Variants in ADGRV1 observed in about 807,000 individuals in gnomAD.
ADGRV1 encodes the protein adhesion G protein-coupled receptor V1.
A neutral mutation model predicts 596.2 loss-of-function variants in ADGRV1; 359 were observed. The ratio of observed to expected loss-of-function variants is 0.60; its 90% CI spans 0.55 to 0.66. The LOEUF is 0.66. ADGRV1 is among the 30% of genes least tolerant of loss of function. The pLI is 0.00. For missense variants in ADGRV1, 7,274 were observed against 7,575.6 expected (o/e 0.96, Z 1.48); for synonymous variants, 2,681 against 2,679.2 (o/e 1.00, Z -0.02).
At chr5:90,625,383 A>G (rs1251162272) in intron 6 of ADGRV1, 140 bp downstream of exon 6, 2 of 520,074 alleles carry the variant, frequency 3.8e-6, no homozygotes, top group East Asian at 6.1e-5. Flanking sequence ...ATTACTATTT[A>G]TCTTACTTAA....
At chr5:91,059,379 T>A (rs535963388) in intron 85 of ADGRV1, among the ~76,000 whole-genome samples, 1 of 152,184 alleles carries the variant, frequency 6.6e-6, no homozygotes, top group African/African-American at 2.4e-5. Flanking sequence ...TTACCAGTAT[T>A]TTTTTTGCAA....
chr5:90,953,548 G>T (rs1250841994), intron 83 of ADGRV1, among the ~76,000 whole-genome samples: 13 of 151,724 alleles, frequency 8.6e-5, no homozygotes, highest in Non-Finnish European at 1.6e-4. Context: ...CGAGTTTTTT[G>T]TTTTGTTTTG....
At chr5:90,945,134 CAT>C (rs1776463860) in intron 83 of ADGRV1, among the ~76,000 whole-genome samples, 1 of 152,082 alleles carries the variant, frequency 6.6e-6, no homozygotes, top group African/African-American at 2.4e-5. Context: ...TTCAATTCAA[CAT>C]ATGTTTATAA....
At chr5:90,711,805 C>G (rs965011065) in intron 41 of ADGRV1, among the ~76,000 whole-genome samples, 4 of 152,162 alleles carry the variant, frequency 2.6e-5, no homozygotes, top group Non-Finnish European at 5.9e-5. Flanking sequence ...GAGACAAAGT[C>G]TCGCTCTCTC....
At chr5:91,075,873 T>C (rs556658529) in intron 86 of ADGRV1, among the ~76,000 whole-genome samples, 7 of 152,300 alleles carry the variant, frequency 4.6e-5, no homozygotes, top group African/African-American at 1.4e-4. Flanking sequence ...ATCTTTCCAT[T>C]CCCAAGTTAG....
rs1184698441 is a variant in ADGRV1, at chr5:90,822,696, T to G, written c.16197-729T>G. On this transcript the variant is annotated intron_variant, in intron 75 of 89. Transcript: ENST00000405460. ...CATTGGTAGCTTGATGGGGTTGGCA[T>G]TGAATCTATAAATTACCTTAAGCAG... Among the ~76,000 whole-genome samples the G allele has an allele frequency of 3.9e-5, 6 of 152,200 alleles. No individual in the cohort carries two copies. The South Asian group carries it at 1.2e-3, about 31-fold the overall frequency.
chr5:90,686,196 A>AT (rs1188022373), intron 29 of ADGRV1, among the ~76,000 whole-genome samples: 31 of 151,220 alleles, frequency 2.0e-4, no homozygotes, highest in Non-Finnish European at 3.4e-4. Context: ...TGATTTTACA[A>AT]TTTTTTTATT....
chr5:90,721,919 G>A (rs1751092772), intron 45 of ADGRV1, among the ~76,000 whole-genome samples: 2 of 152,282 alleles, frequency 1.3e-5, no homozygotes, highest in South Asian at 4.1e-4. Context: ...AACTTGAGTG[G>A]ATAGTAGGTA....
At chr5:91,015,129 A>AT (rs766541675) in intron 85 of ADGRV1, among the ~76,000 whole-genome samples, 33 of 151,810 alleles carry the variant, frequency 2.2e-4, no homozygotes, top group South Asian at 2.1e-4. Flanking sequence ...TGTTAATTTC[A>AT]TTTTTTTACC....
intron 83 of ADGRV1, among the ~76,000 whole-genome samples, chr5:90,921,109 T>A (rs529103676): frequency 6.6e-6 from 1 of 152,338 alleles, no homozygotes; most frequent in African/African-American, 2.4e-5. Context: ...AATGAAAGTG[T>A]AACCATTATC....
At position 90,653,752 on chromosome 5, in the gene ADGRV1, A is replaced by G. The variant is rs765884592; in HGVS notation, c.4178A>G (p.His1393Arg). The G allele has an allele frequency of 1.2e-6, 2 of 1,613,148 alleles. No individual in the cohort carries two copies. The highest frequency in any genetic ancestry group is 8.5e-7 in the Non-Finnish European group (1 of 1,179,502). ...GTAAAAATACAAACAAACGAATCCC[A>G]TGTGACACTTTCCCTTCATTATAAA... ...YGVKIQTNESHVTLSLHYKTL... is the reference protein window; with the variant it reads ...YGVKIQTNESRVTLSLHYKTL... The change falls in exon 20 of 90, where the codon CAT becomes CGT. Residue 1393 changes from histidine (H) to arginine (R), a missense_variant. Transcript: ENST00000405460.
intron 1 of ADGRV1, among the ~76,000 whole-genome samples, chr5:90,595,688 G>T (rs1322003645): frequency 1.5e-5 from 2 of 132,308 alleles, no homozygotes; most frequent in East Asian, 2.3e-4. Context: ...CCTCCCGGAC[G>T]GGGCGGCTGG....
At chr5:90,684,268 T>A in intron 28 of ADGRV1, 73 bp downstream of exon 28, 2 of 1,328,152 alleles carry the variant, frequency 1.5e-6, no homozygotes, top group South Asian at 3.4e-5. Context: ...TAAATTTTAT[T>A]TAATAGAAAA....
At chr5:90,701,793 T>C (rs1311254623) in intron 34 of ADGRV1, among the ~76,000 whole-genome samples, 1 of 151,906 alleles carries the variant, frequency 6.6e-6, no homozygotes, top group Admixed American at 6.6e-5. Context: ...ATTTTTACTT[T>C]TACCTAAAAA....
At chr5:90,605,413 TAA>T (rs59423334) in intron 1 of ADGRV1, among the ~76,000 whole-genome samples, 2,266 of 137,366 alleles carry the variant, frequency 0.016, 67 homozygotes, top group African/African-American at 0.056. Context: ...GACTACGTCT[TAA>T]AAAAAAAAAA....
chr5:90,570,383 G>A (rs780670660), intron 1 of ADGRV1, among the ~76,000 whole-genome samples: 15 of 151,928 alleles, frequency 9.9e-5, no homozygotes, highest in South Asian at 2.1e-4. Flanking sequence ...TGGCAGTTTC[G>A]TATATGTCTA....
At chr5:91,137,927 A>T (rs1794775359) in intron 87 of ADGRV1, among the ~76,000 whole-genome samples, 1 of 152,252 alleles carries the variant, frequency 6.6e-6, no homozygotes. Flanking sequence ...ATCTGGATTT[A>T]CGTAAGGATA....
chr5:90,950,797 G>A (rs964123360), intron 83 of ADGRV1, among the ~76,000 whole-genome samples: 1 of 152,180 alleles, frequency 6.6e-6, no homozygotes, highest in Non-Finnish European at 1.5e-5. Context: ...GCACCTTGTA[G>A]TGAGAGCTTA....
At chr5:90,598,945 A>G (rs1761054706) in intron 1 of ADGRV1, among the ~76,000 whole-genome samples, 1 of 152,178 alleles carries the variant, frequency 6.6e-6, no homozygotes, top group Non-Finnish European at 1.5e-5. Context: ...TATCCCTCCA[A>G]TCCCAGCAGA....
Sources: allele counts gnomAD v4.1 joint callset (sites outside exome capture counted in the v4.1 genomes callset), GRCh38; gene constraint gnomAD v4.1.1; transcripts MANE v1.5; gene names NCBI Gene and HGNC (gene_info 2026-07-23, HGNC 2026-07-21).